The following CLEC16A variants were observed in gnomAD, a reference collection of about 807,000 sequenced individuals.
CLEC16A encodes the protein C-type lectin domain containing 16A.
In CLEC16A, 51 loss-of-function variants were observed where a neutral mutation model predicts 109.5. That is an observed-to-expected ratio of 0.47 (90% CI 0.37 to 0.59). The LOEUF (loss-of-function observed/expected upper bound fraction) is 0.59, where lower values mean the gene tolerates loss of function less well. CLEC16A is among the 20% of genes least tolerant of loss of function. The probability of loss-of-function intolerance (pLI) is 0.00; values close to 1 mark genes in which losing one functional copy is unlikely to be tolerated. For synonymous variants in CLEC16A, 673 were observed against 564.2 expected, an observed-to-expected ratio of 1.19 and a Z score of -2.73; for missense variants, 1,339 against 1,394.0, an observed-to-expected ratio of 0.96 and a Z score of 0.63.
chr16:10,973,725 A>G (rs1248873114), intron 7 of CLEC16A, among the ~76,000 whole-genome samples: 2 of 151,404 alleles, frequency 1.3e-5, no homozygotes, highest in African/African-American at 4.9e-5. Context: ...CTGTGCCACC[A>G]TGCCCAGCTA....
chr16:11,070,074 A>ATT (rs35348492), intron 19 of CLEC16A, among the ~76,000 whole-genome samples: 1 of 143,674 alleles, frequency 7.0e-6, no homozygotes, highest in African/African-American at 2.6e-5. Context: ...AACTGCCACC[A>ATT]TTTTTTTTTT....
intron 22 of CLEC16A, among the ~76,000 whole-genome samples, chr16:11,128,929 C>A (rs936813810): frequency 2.0e-5 from 3 of 152,214 alleles, no homozygotes; most frequent in African/African-American, 7.2e-5. Flanking sequence ...GTACTTAAAT[C>A]AGATTACGTC....
intron 11 of CLEC16A, among the ~76,000 whole-genome samples, chr16:11,014,537 A>G (rs1054807074): frequency 5.3e-5 from 8 of 152,262 alleles, no homozygotes; most frequent in African/African-American, 1.9e-4. Flanking sequence ...GTGAAAAAAA[A>G]GTAATAGTTC....
At chr16:11,161,633 C>G (rs2054724627) in intron 22 of CLEC16A, among the ~76,000 whole-genome samples, 1 of 152,212 alleles carries the variant, frequency 6.6e-6, no homozygotes. Flanking sequence ...GACCAACAAT[C>G]TAGGCATAAA....
chr16:11,052,845 G>A (rs2048021390), intron 18 of CLEC16A, among the ~76,000 whole-genome samples: 1 of 152,130 alleles, frequency 6.6e-6, no homozygotes, highest in East Asian at 1.9e-4. Flanking sequence ...CCAGAGGACT[G>A]AACGCTGAGC....
chr16:10,998,408 C>A (rs1267722494), intron 10 of CLEC16A, among the ~76,000 whole-genome samples: 2 of 152,226 alleles, frequency 1.3e-5, no homozygotes, highest in African/African-American at 4.8e-5. Context: ...CCTCAGGCAC[C>A]TGGGAGATGA....
intron 12 of CLEC16A, among the ~76,000 whole-genome samples, chr16:11,021,030 C>T (rs917001322): frequency 6.6e-5 from 10 of 152,208 alleles, no homozygotes; most frequent in African/African-American, 2.4e-4. Context: ...CTGATTAGCA[C>T]TACCTTCCTG....
intron 8 of CLEC16A, among the ~76,000 whole-genome samples, chr16:10,978,637 C>T (rs896819899): frequency 1.3e-5 from 2 of 152,168 alleles, no homozygotes; most frequent in African/African-American, 4.8e-5. Context: ...TTCCTTTCCT[C>T]TTATTTCCTG....
At chr16:11,044,424 T>C (rs988770623) in intron 16 of CLEC16A, among the ~76,000 whole-genome samples, 2 of 152,250 alleles carry the variant, frequency 1.3e-5, no homozygotes, top group African/African-American at 4.8e-5. Context: ...TCATAAGTTA[T>C]ATATGCTTAC....
intron 11 of CLEC16A, among the ~76,000 whole-genome samples, chr16:11,016,308 G>A (rs973625693): frequency 4.0e-5 from 6 of 151,646 alleles, no homozygotes; most frequent in African/African-American, 9.7e-5. Context: ...ATGTTTCCCC[G>A]ACAGCAGTCT....
intron 19 of CLEC16A, among the ~76,000 whole-genome samples, chr16:11,116,331 G>C (rs1403723309): frequency 6.6e-6 from 1 of 152,078 alleles, no homozygotes; most frequent in Non-Finnish European, 1.5e-5. Flanking sequence ...GGAGGCAGAG[G>C]TTGCAGTGAG....
chr16:11,179,400 A>AT lies in CLEC16A; in HGVS notation c.*716dup, dbSNP rs1031502211. On this transcript the variant is annotated 3_prime_UTR_variant, in exon 24 of 24. Coordinates refer to ENST00000409790, the MANE Select transcript of CLEC16A (RefSeq NM_015226.3). Reference sequence around the variant, plus strand: ...AGTACCTTCCTGGAAAGTTTGGATTATTTTTTAAACAAAAACAAGGGAGAT... The same window carrying AT: ...AGTACCTTCCTGGAAAGTTTGGATTATTTTTTTAAACAAAAACAAGGGAGAT... The AT allele has an allele frequency of 3.3e-5, 5 of 152,192 alleles. No homozygotes were observed. The highest frequency in any genetic ancestry group is 1.2e-4 in the African/African-American group (5 of 41,446). The allele number at this position is 152,192 out of a possible 1,614,324, so 9.4% of individuals were successfully genotyped here.
chr16:10,997,922 A>G (rs1179270508), intron 10 of CLEC16A, among the ~76,000 whole-genome samples: 2 of 152,338 alleles, frequency 1.3e-5, no homozygotes, highest in African/African-American at 2.4e-5. Context: ...GCCTGTGTCC[A>G]GGTCTTTGTA....
In CLEC16A at chr16:10,944,613, G is replaced by GCCTCCGCCGCCGCAT. The variant is rs1247764064; in HGVS notation, c.-97_-83dup. 9.8e-6 allele frequency: 11 copies of GCCTCCGCCGCCGCAT among 1,122,594 alleles called. No homozygotes were observed. The highest frequency in any genetic ancestry group is 1.4e-5 in the Non-Finnish European group (11 of 784,448). 69.5% of individuals were successfully genotyped at this position (1,122,594 alleles called of 1,614,324 possible). On this transcript the variant is annotated 5_prime_UTR_variant, in exon 1 of 24. Transcript: ENST00000409790. Reference sequence around the variant, plus strand: ...GAAGGCGGCTCGCGGTTCCTCCACCGCCTCCGCCGCCGCATCCTCCGCTTG... The same window carrying GCCTCCGCCGCCGCAT: ...GAAGGCGGCTCGCGGTTCCTCCACCGCCTCCGCCGCCGCATCCTCCGCCGCCGCATCCTCCGCTTG...
chr16:11,118,419 G>T (rs1220460410), intron 19 of CLEC16A, among the ~76,000 whole-genome samples: 1 of 152,202 alleles, frequency 6.6e-6, no homozygotes, highest in Non-Finnish European at 1.5e-5. Context: ...GAAGGGCCAA[G>T]TGCTGTACAC....
chr16:10,947,197 T>G (rs1297687231), intron 1 of CLEC16A, among the ~76,000 whole-genome samples: 1 of 152,194 alleles, frequency 6.6e-6, no homozygotes, highest in Admixed American at 6.5e-5. Context: ...GATTTGTGTA[T>G]TGGTGGGGGG....
At chr16:11,138,117 G>A (rs1457960428) in intron 22 of CLEC16A, among the ~76,000 whole-genome samples, 1 of 152,320 alleles carries the variant, frequency 6.6e-6, no homozygotes, top group Admixed American at 6.5e-5. Context: ...CAATTCCAAG[G>A]AAGTGACATG....
intron 22 of CLEC16A, among the ~76,000 whole-genome samples, chr16:11,135,617 C>G (rs1347002401): frequency 1.3e-5 from 2 of 152,210 alleles, no homozygotes; most frequent in Non-Finnish European, 2.9e-5. Flanking sequence ...GCCTTCTGGT[C>G]ATAAGAGTGT....
At chr16:10,988,239 C>G (rs1567547769) in intron 10 of CLEC16A, among the ~76,000 whole-genome samples, 1 of 151,950 alleles carries the variant, frequency 6.6e-6, no homozygotes, top group Non-Finnish European at 1.5e-5. Context: ...TTTTTTTCCT[C>G]TTGGGTTTCT....
Sources: allele counts gnomAD v4.1 joint callset (sites outside exome capture counted in the v4.1 genomes callset), GRCh38; gene constraint gnomAD v4.1.1; transcripts MANE v1.5; gene names NCBI Gene and HGNC (gene_info 2026-07-23, HGNC 2026-07-21).